The following CALHM4 variants were observed in gnomAD, a reference collection of about 807,000 sequenced individuals.
The protein encoded by CALHM4 is calcium homeostasis modulator family member 4.
In CALHM4, 16 loss-of-function variants were observed where a neutral mutation model predicts 13.3. The observed-to-expected ratio is 1.20, with a 90% CI of 0.81 to 1.82. The LOEUF is 1.82. Among genes scored for constraint, CALHM4 ranks in the 40% most tolerant of loss-of-function variants. The pLI is 0.00. For missense variants in CALHM4, 344 were observed against 374.9 expected (o/e 0.92, Z 0.68); for synonymous variants, 127 against 137.1 (o/e 0.93, Z 0.52).
chr6:116,558,057 TC>T lies in CALHM4; in HGVS notation c.793del (p.Arg265AlafsTer48). The T allele has an allele frequency of 6.2e-7, 1 of 1,614,168 alleles. No individual in the cohort carries two copies. The highest frequency in any genetic ancestry group is 1.1e-5 in the South Asian group (1 of 91,086). ...CCCGGGAGTGAAGACGTCAAACACA[TC>T]CGCATTCCTTCTTGTCAGGACTGGA... is the stretch of plus-strand genomic sequence containing the variant. ...FIPGSEDVKH[I>X]RIPSCQDWKD... On this transcript the variant is annotated frameshift_variant, in exon 2 of 2. Coordinates refer to ENST00000368596, the MANE Select transcript of CALHM4 (RefSeq NM_001366078.2). LOFTEE classifies it high-confidence loss of function.
At chr6:116,545,066 T>C (rs1773691735) in intron 2 of CALHM4, among the ~76,000 whole-genome samples, 1 of 151,604 alleles carries the variant, frequency 6.6e-6, no homozygotes, top group Admixed American at 6.6e-5. Flanking sequence ...ATGACCTATT[T>C]CGATTCAGTT....
At chr6:116,537,554 C>G (rs1389572270) in intron 1 of CALHM4, among the ~76,000 whole-genome samples, 1 of 152,050 alleles carries the variant, frequency 6.6e-6, no homozygotes, top group Non-Finnish European at 1.5e-5. Context: ...ATTTCTTACT[C>G]GATTCCTCTT....
In CALHM4 at chr6:116,561,050, C is replaced by T. The variant is rs866987410; in HGVS notation, c.*2839C>T. Among the ~76,000 whole-genome samples, 11 of 152,192 alleles carry T rather than the reference C, an allele frequency of 7.2e-5. No individual in the cohort carries two copies. Among genetic ancestry groups the T allele is most frequent in the South Asian group, 2.1e-4 (1 of 4,834 alleles). The stretch of plus-strand genomic sequence containing the variant: ...CTCTGTCCTTCTCTGTGTCTCTTTT[C>T]TCTGTTCTCAGTCTTCCATTCATTT... On this transcript the variant is annotated 3_prime_UTR_variant, in exon 2 of 2. Coordinates refer to ENST00000368596, the MANE Select transcript of CALHM4 (RefSeq NM_001366078.2).
intron 1 of CALHM4, among the ~76,000 whole-genome samples, chr6:116,530,154 G>A (rs1282114184): frequency 1.3e-5 from 2 of 151,728 alleles, no homozygotes; most frequent in African/African-American, 4.8e-5. Context: ...AATGAAGGAA[G>A]CCAAATATAA....
At position 116,545,517 on chromosome 6, in the gene CALHM4, T is replaced by C. The variant is rs780317132; in HGVS notation, c.-1+1645T>C. The stretch of plus-strand genomic sequence containing the variant: ...CTTCGGTGTGCAGGGCGAGACATAG[T>C]GCTTGATAGATGAAGAATATGATCT... On this transcript the variant is annotated intron_variant, in intron 2 of 2. Coordinates refer to the CALHM4 transcript ENST00000368597. 2.6e-6 allele frequency: 4 copies of C among 1,547,410 alleles called. No individual in the cohort carries two copies. In the South Asian group the frequency reaches 4.8e-5, roughly 19 times the overall value.
At chr6:116,539,067 T>C (rs1212778901) in intron 1 of CALHM4, among the ~76,000 whole-genome samples, 1 of 152,198 alleles carries the variant, frequency 6.6e-6, no homozygotes, top group Non-Finnish European at 1.5e-5. Flanking sequence ...ATAGAGAGAC[T>C]GTGTCTTACT....
chr6:116,545,363 C>T, intron 2 of CALHM4: 1 of 849,706 alleles, frequency 1.2e-6, no homozygotes. Context: ...TGAACACTGT[C>T]TTTCCTCCAC....
upstream of CALHM4, among the ~76,000 whole-genome samples, chr6:116,552,296 A>G (rs771691190): frequency 6.6e-6 from 1 of 152,082 alleles, no homozygotes; most frequent in South Asian, 2.1e-4. Context: ...AGTTTTAAAG[A>G]ATATCTATTT....
At chr6:116,529,105 T>C in exon 1 of CALHM4, 1 of 152,566 alleles carries the variant, frequency 6.6e-6, no homozygotes, top group Non-Finnish European at 1.5e-5. Flanking sequence ...GTTGTGAACC[T>C]GTGTTCTCCA....
At chr6:116,535,948 A>T (rs1430346990) in intron 1 of CALHM4, among the ~76,000 whole-genome samples, 2 of 152,190 alleles carry the variant, frequency 1.3e-5, no homozygotes, top group African/African-American at 4.8e-5. Context: ...TAGATGATAG[A>T]TGTTCTTTTT....
chr6:116,549,713 C>T (rs1041716801), upstream of CALHM4, among the ~76,000 whole-genome samples: 2 of 151,498 alleles, frequency 1.3e-5, no homozygotes, highest in Non-Finnish European at 2.9e-5. Flanking sequence ...TGGTGGCTCA[C>T]GCCTGTAATC....
chr6:116,543,801 T>A, exon 2 of CALHM4: 3 of 1,533,368 alleles, frequency 2.0e-6, no homozygotes, highest in South Asian at 2.4e-5. Context: ...CTCAGGCGTC[T>A]GCACAATCCC....
At position 116,553,946 on chromosome 6, in the gene CALHM4, T is replaced by C. The variant is rs560117291; in HGVS notation, c.153T>C (p.Tyr51=). ...GTCAGGTTGGAAAAAATTTCTATTA[T>C]GGTTCTGCTTTTCTTGTCATTCCTG... is the stretch of plus-strand genomic sequence containing the variant. ...CPCQVGKNFY[Y]GSAFLVIPAL... is the part of the protein sequence containing the mutation. The change falls in exon 1 of 2, where the codon TAT becomes TAC. Residue 51 remains tyrosine, a synonymous_variant. Coordinates refer to ENST00000368596, the MANE Select transcript of CALHM4 (RefSeq NM_001366078.2). 110 of 1,550,674 alleles carry C rather than the reference T, an allele frequency of 7.1e-5. No homozygotes were observed. In the African/African-American group the frequency reaches 1.2e-3, roughly 17 times the overall value.
chr6:116,538,441 T>C (rs937711422), intron 1 of CALHM4, among the ~76,000 whole-genome samples: 31 of 152,366 alleles, frequency 2.0e-4, no homozygotes, highest in Non-Finnish European at 3.4e-4. Flanking sequence ...ACAGATATTT[T>C]TTGTTCTGTT....
chr6:116,535,416 G>T (rs1773015218), intron 1 of CALHM4, among the ~76,000 whole-genome samples: 1 of 152,080 alleles, frequency 6.6e-6, no homozygotes, highest in African/African-American at 2.4e-5. Flanking sequence ...ACTTTCAAAA[G>T]GCAACATTAT....
intron 1 of CALHM4, among the ~76,000 whole-genome samples, chr6:116,539,064 G>A (rs1279604878): frequency 3.9e-5 from 6 of 152,162 alleles, no homozygotes; most frequent in African/African-American, 1.4e-4. Context: ...ATTATAGAGA[G>A]ACTGTGTCTT....
chr6:116,536,310 C>G (rs1773089791), intron 1 of CALHM4, among the ~76,000 whole-genome samples: 1 of 152,088 alleles, frequency 6.6e-6, no homozygotes, highest in Non-Finnish European at 1.5e-5. Context: ...CATGGGATTT[C>G]TTTTCAGACC....
chr6:116,543,732 T>C, intron 1 of CALHM4: 1 of 1,209,440 alleles, frequency 8.3e-7, no homozygotes, highest in East Asian at 2.5e-5. Context: ...TAAATTTCTG[T>C]TTTTCTAAAA....
At chr6:116,540,536 T>A in intron 1 of CALHM4, 1 of 1,433,192 alleles carries the variant, frequency 7.0e-7, no homozygotes, top group Non-Finnish European at 9.6e-7. Flanking sequence ...TAAGAAGCGA[T>A]TTGTGTGTTT....
Sources: gnomAD v4.1 joint callset for allele counts (sites outside exome capture counted in the v4.1 genomes callset) on GRCh38, gnomAD v4.1.1 for gene constraint, MANE v1.5 for transcripts, NCBI Gene and HGNC (gene_info 2026-07-23, HGNC 2026-07-21) for gene names.